The following PDZD8 variants were observed in gnomAD, a reference collection of about 807,000 sequenced individuals.
The protein encoded by PDZD8 is PDZ domain containing 8.
Under a neutral mutation model 85.8 loss-of-function variants are expected in PDZD8, and 14 were observed. The observed-to-expected ratio is 0.16, with a 90% CI of 0.11 to 0.26. The LOEUF is 0.26. Ranked by LOEUF, PDZD8 falls within the 10% of genes least tolerant of loss-of-function variation. The probability of loss-of-function intolerance (pLI) is 1.00; values close to 1 mark genes in which losing one functional copy is unlikely to be tolerated. For missense variants in PDZD8, 1,197 were observed against 1,424.3 expected (o/e 0.84, Z 2.57); for synonymous variants, 592 against 568.6 (o/e 1.04, Z -0.59).
At chr10:117,363,875 T>C (rs1353219471) in intron 1 of PDZD8, among the ~76,000 whole-genome samples, 1 of 152,078 alleles carries the variant, frequency 6.6e-6, no homozygotes, top group East Asian at 1.9e-4. Context: ...TAAAGAGAAA[T>C]GTGTTCTAAA....
At chr10:117,348,575 C>A (rs1437588380) in intron 1 of PDZD8, among the ~76,000 whole-genome samples, 2 of 152,146 alleles carry the variant, frequency 1.3e-5, no homozygotes, top group African/African-American at 4.8e-5. Flanking sequence ...CTTGGCTTGG[C>A]GATGGCTGCC....
intron 3 of PDZD8, among the ~76,000 whole-genome samples, chr10:117,307,636 A>T (rs984482904): frequency 1.3e-5 from 2 of 152,068 alleles, no homozygotes; most frequent in Non-Finnish European, 2.9e-5. Context: ...CAATTTTCAA[A>T]TATAACCACC....
At chr10:117,352,081 C>G (rs939281729) in intron 1 of PDZD8, among the ~76,000 whole-genome samples, 1 of 110,620 alleles carries the variant, frequency 9.0e-6, no homozygotes, top group African/African-American at 3.5e-5. Flanking sequence ...GTAGATCTGA[C>G]AGAACCTTTT....
intron 2 of PDZD8, among the ~76,000 whole-genome samples, chr10:117,331,165 T>C (rs1426738400): frequency 2.0e-5 from 3 of 152,204 alleles, no homozygotes; most frequent in African/African-American, 4.8e-5. Context: ...TTCATCGTAG[T>C]ATTTAGACAA....
rs199591538 is a variant in PDZD8 at position 117,284,799 on chromosome 10, G to A, written c.1934C>T (p.Ala645Val). 54 of 1,614,066 alleles carry A rather than the reference G, an allele frequency of 3.3e-5. No individual in the cohort carries two copies. The highest frequency in any genetic ancestry group is 4.4e-5 in the Non-Finnish European group (52 of 1,180,034). ...QAKNVDAIDD[A>V]AAPKQFLAKQ... ...TGCTAAAAATTGCTTAGGTGCAGCT[G>A]CATCGTCTATGGCATCCACATTTTT... The change falls in exon 5 of 5, where the codon GCA (alanine) becomes GTA (valine). Residue 645 changes from alanine to valine, a missense_variant. By Grantham distance (64) the Ala-to-Val change is moderately conservative. This residue lies in a region of PDZD8 where 263 missense variants were observed against 261.9 expected (regional missense o/e 1.00). Coordinates refer to ENST00000334464, the MANE Select transcript of PDZD8 (RefSeq NM_173791.5).
chr10:117,284,951 T>G lies in PDZD8; in HGVS notation c.1782A>C (p.Arg594=). The change falls in exon 5 of 5, where the codon CGA becomes CGC. Residue 594 remains arginine (R), a synonymous_variant. Transcript: ENST00000334464. ...GSAFKPPVPP[R]PQAKVPLPSA... ...AAGGCAAAGGAACTTTCGCTTGTGG[T>G]CGTGGTGGCACAGGTGGTTTGAAAG... The G allele has an allele frequency of 6.2e-7, 1 of 1,614,126 alleles. No individual in the cohort carries two copies. Among genetic ancestry groups the G allele is most frequent in the Non-Finnish European group, 8.5e-7 (1 of 1,180,010 alleles).
intron 1 of PDZD8, among the ~76,000 whole-genome samples, chr10:117,350,268 CTTT>C (rs55833923): frequency 0.27 from 36,989 of 137,502 alleles, 6,063 homozygotes; most frequent in African/African-American, 0.47. Flanking sequence ...TTGTTTGTTT[CTTT>C]TTTTTTTTTT....
intron 1 of PDZD8, among the ~76,000 whole-genome samples, chr10:117,350,877 C>G (rs574622490): frequency 7.1e-6 from 1 of 140,384 alleles, no homozygotes; most frequent in Admixed American, 7.2e-5. Context: ...GCACTCCAGC[C>G]TGGGTGACAA....
chr10:117,370,502 T>C (rs182943932), intron 1 of PDZD8, among the ~76,000 whole-genome samples: 5 of 152,348 alleles, frequency 3.3e-5, no homozygotes, highest in Admixed American at 3.3e-4. Flanking sequence ...CTCCATACAA[T>C]TCTCTTTACT....
Position 117,336,428 on chromosome 10 carries a change from C to T in PDZD8, c.995+4552G>A, listed in dbSNP as rs183492700. 6.5e-4 allele frequency among the ~76,000 whole-genome samples: 99 copies of T among 152,264 alleles called. No individual in the cohort carries two copies. The East Asian group carries it at 0.014, about 21-fold the overall frequency. ...AATATATGAAGTAGCAATAAACACACCCAACATTCAGATCTTAGTTTCTAT... is the reference window on the plus strand; with the variant it reads ...AATATATGAAGTAGCAATAAACACATCCAACATTCAGATCTTAGTTTCTAT... On this transcript the variant is annotated intron_variant, in intron 2 of 4. Transcript: ENST00000334464.
At chr10:117,308,689 A>G (rs78473734) in intron 3 of PDZD8, among the ~76,000 whole-genome samples, 4,471 of 152,218 alleles carry the variant, frequency 0.029, 92 homozygotes, top group East Asian at 0.067. Context: ...TAAGAACATC[A>G]GCTGTGGAGT....
intron 1 of PDZD8, among the ~76,000 whole-genome samples, chr10:117,342,788 C>T (rs1309526800): frequency 1.3e-5 from 2 of 152,186 alleles, no homozygotes; most frequent in African/African-American, 4.8e-5. Flanking sequence ...CCACACCCAG[C>T]CCACAATTAA....
intron 1 of PDZD8, among the ~76,000 whole-genome samples, chr10:117,344,155 G>C (rs532514672): frequency 1.3e-5 from 2 of 152,320 alleles, no homozygotes; most frequent in African/African-American, 4.8e-5. Flanking sequence ...TCGACTTTAA[G>C]GATGACAGTA....
rs767933928 is a variant in PDZD8 at position 117,290,135 on chromosome 10, C to T, written c.1261+51G>A. ...GAAGAAAGGAAAAACCTCACACCTA[C>T]TTTGTAGTTTATCTGTAAAGGTAAA... On this transcript the variant is annotated intron_variant, in intron 4 of 4. Transcript: ENST00000334464. 6 of 1,488,990 alleles carry T rather than the reference C, an allele frequency of 4.0e-6. No individual in the cohort carries two copies. In the Admixed American group the frequency reaches 1.1e-4, roughly 27 times the overall value. The allele number at this position is 1,488,990 out of a possible 1,614,324, so 92.2% of individuals were successfully genotyped here.
chr10:117,308,143 T>C (rs1298699078), intron 3 of PDZD8, among the ~76,000 whole-genome samples: 2 of 152,124 alleles, frequency 1.3e-5, no homozygotes, highest in Non-Finnish European at 1.5e-5. Context: ...ATATAAATGC[T>C]TGTCCATATT....
chr10:117,288,880 A>G (rs1317768276), intron 4 of PDZD8, among the ~76,000 whole-genome samples: 1 of 152,206 alleles, frequency 6.6e-6, no homozygotes, highest in Non-Finnish European at 1.5e-5. Context: ...ATACATTTAT[A>G]TCGCTTAGGT....
At chr10:117,316,008 T>G (rs1214181324) in intron 3 of PDZD8, among the ~76,000 whole-genome samples, 1 of 152,196 alleles carries the variant, frequency 6.6e-6, no homozygotes. Flanking sequence ...CAAATTGCAC[T>G]GTCTCTTTCT....
rs373621746 is a variant in PDZD8, at chr10:117,284,150, A to T, written c.2583T>A (p.Val861=). 1.9e-6 allele frequency: 3 copies of T among 1,614,032 alleles called. No individual in the cohort carries two copies. Among genetic ancestry groups the T allele is most frequent in the African/African-American group, 2.7e-5 (2 of 74,898 alleles). ...PTWCDYCKKK[V]WTKAASQCMF... ...TACACTGGGAAGCTGCTTTAGTCCA[A>T]ACTTTTTTCTTACAGTAGTCACACC... The change falls in exon 5 of 5, where the codon GTT becomes GTA. Residue 861 remains valine, a synonymous_variant. Transcript: ENST00000334464.
At chr10:117,286,820 C>A (rs1268548451) in intron 4 of PDZD8, among the ~76,000 whole-genome samples, 1 of 152,202 alleles carries the variant, frequency 6.6e-6, no homozygotes. Flanking sequence ...CCCAGCTTTA[C>A]TAGCCCCACT....
Sources: gnomAD v4.1 joint callset for allele counts (sites outside exome capture counted in the v4.1 genomes callset) on GRCh38, gnomAD v4.1.1 for gene constraint, gnomAD v4.1.1 regional missense constraint, MANE v1.5 for transcripts, NCBI Gene and HGNC (gene_info 2026-07-23, HGNC 2026-07-21) for gene names.